The following CCDC171 variants were observed in gnomAD, a reference collection of about 807,000 sequenced individuals.
CCDC171 encodes the protein coiled-coil domain containing 171, also known as coiled-coil domain-containing protein 171.
A neutral mutation model predicts 168.2 loss-of-function variants in CCDC171; 177 were observed. The observed-to-expected ratio is 1.05, with a 90% CI of 0.93 to 1.19. CCDC171 has a LOEUF of 1.19. Among genes scored for constraint, CCDC171 ranks in the 50% most tolerant of loss-of-function variants. The pLI, the probability that CCDC171 is intolerant of heterozygous loss-of-function variation, is 0.00. For missense variants in CCDC171, 1,991 were observed against 1,539.0 expected, an observed-to-expected ratio of 1.29 and a Z score of -4.91; for synonymous variants, 687 against 540.8, an observed-to-expected ratio of 1.27 and a Z score of -3.75.
At chr9:16,065,814 G>GCA (rs200840940), downstream of CCDC171, among the ~76,000 whole-genome samples, 5 of 104,614 alleles carry the variant, frequency 4.8e-5, no homozygotes, top group African/African-American at 1.9e-4. Context: ...TGCATGGTGT[G>GCA]TGTGTGTGTG....
At chr9:15,935,580 A>G (rs986280015) in intron 25 of CCDC171, among the ~76,000 whole-genome samples, 1 of 152,096 alleles carries the variant, frequency 6.6e-6, no homozygotes, top group Non-Finnish European at 1.5e-5. Flanking sequence ...TGGTTATATT[A>G]GCATATAATA....
chr9:15,717,503 G>T (rs1050108291), intron 11 of CCDC171, among the ~76,000 whole-genome samples: 1 of 152,168 alleles, frequency 6.6e-6, no homozygotes, highest in Non-Finnish European at 1.5e-5. Context: ...CACCAGCGGG[G>T]GCAGCAAAGG....
chr9:15,748,715 G>A (rs2055483879), intron 18 of CCDC171, among the ~76,000 whole-genome samples: 1 of 152,158 alleles, frequency 6.6e-6, no homozygotes, highest in South Asian at 2.1e-4. Flanking sequence ...TTCATATCCA[G>A]CCAAACTATG....
At chr9:15,768,677 T>C (rs1275843818) in intron 18 of CCDC171, among the ~76,000 whole-genome samples, 2 of 152,236 alleles carry the variant, frequency 1.3e-5, no homozygotes, top group Non-Finnish European at 2.9e-5. Flanking sequence ...TTAATTAGTA[T>C]TTATATCGAG....
At chr9:15,890,223 T>C (rs1209658997) in intron 24 of CCDC171, among the ~76,000 whole-genome samples, 5 of 152,060 alleles carry the variant, frequency 3.3e-5, no homozygotes, top group Admixed American at 3.3e-4. Flanking sequence ...TTGAGACTGA[T>C]ATGAAATGAA....
intron 10 of CCDC171, among the ~76,000 whole-genome samples, chr9:15,692,530 C>G (rs1188794187): frequency 2.1e-5 from 3 of 142,722 alleles, no homozygotes; most frequent in Non-Finnish European, 4.6e-5. Flanking sequence ...ATCATTACTA[C>G]TTTTTTTTTT....
rs537556300 is a variant in CCDC171, at chr9:15,617,327, C to G, written c.676-5940C>G. Among the ~76,000 whole-genome samples the G allele has an allele frequency of 1.4e-3, 204 of 150,616 alleles. 1 individual carries two copies. The highest frequency in any genetic ancestry group is 4.8e-3 in the African/African-American group (199 of 41,042). Reference sequence around the variant, plus strand: ...CTTTTCCTTATCTTTGTGGATTTATCTACCTTTGATCTTTGAGGCTGATGA... The same window carrying G: ...CTTTTCCTTATCTTTGTGGATTTATGTACCTTTGATCTTTGAGGCTGATGA... On this transcript the variant is annotated intron_variant, in intron 6 of 25. Transcript: ENST00000380701.
intron 3 of CCDC171, among the ~76,000 whole-genome samples, chr9:15,984,013 G>C (rs1831896570): frequency 1.0e-5 from 1 of 95,496 alleles, no homozygotes; most frequent in African/African-American, 4.4e-5. Context: ...GCAGAGTAGA[G>C]ACCAGGAGCA....
At position 15,749,143 on chromosome 9, in the gene CCDC171, C is replaced by CA. The variant is rs144579400; in HGVS notation, c.2671+3525dup. 2.9e-3 allele frequency among the ~76,000 whole-genome samples: 399 copies of CA among 137,062 alleles called. 1 individual carries two copies. The highest frequency in any genetic ancestry group is 0.012 in the Middle Eastern group (3 of 260). 89.9% of individuals were successfully genotyped at this position (137,062 alleles called of 152,430 possible). A position where few individuals can be genotyped will look rare whatever the true frequency, so the allele number is the denominator to read the frequency against. On this transcript the variant is annotated intron_variant, in intron 18 of 25. Coordinates refer to ENST00000380701, the MANE Select transcript of CCDC171 (RefSeq NM_173550.4). ...GAAGATCTACCAAGCAAATGGAAAG[C>CA]AAAAAAAAAAAAAGCAGGTGTTGCT...
chr9:15,673,669 G>C (rs1437567202), intron 9 of CCDC171, among the ~76,000 whole-genome samples: 1 of 152,142 alleles, frequency 6.6e-6, no homozygotes, highest in African/African-American at 2.4e-5. Context: ...TGCATATATT[G>C]AACCAGCTTT....
intron 25 of CCDC171, among the ~76,000 whole-genome samples, chr9:15,969,765 G>T (rs1267537522): frequency 6.6e-6 from 1 of 152,152 alleles, no homozygotes; most frequent in Admixed American, 6.5e-5. Context: ...CTGGCAGAAT[G>T]AGAAGTTAGT....
At chr9:15,997,408 T>A (rs1178185632) in intron 3 of CCDC171, among the ~76,000 whole-genome samples, 1 of 152,202 alleles carries the variant, frequency 6.6e-6, no homozygotes, top group East Asian at 1.9e-4. Flanking sequence ...CTATAGGCTG[T>A]GAGTTAACGG....
At position 15,972,251 on chromosome 9, in the gene CCDC171, T is replaced by C. The variant is rs1251554536; in HGVS notation, c.*415T>C. On this transcript the variant is annotated 3_prime_UTR_variant, in exon 26 of 26. Coordinates refer to ENST00000380701, the MANE Select transcript of CCDC171 (RefSeq NM_173550.4). Reference sequence around the variant, plus strand: ...ATGTATGCCAATGATTCCTGTCATTTCATGGCAGCCCGGCCATGGTTCACT... The same window carrying C: ...ATGTATGCCAATGATTCCTGTCATTCCATGGCAGCCCGGCCATGGTTCACT... 1.2e-5 allele frequency: 2 copies of C among 163,006 alleles called. No individual in the cohort carries two copies. Among genetic ancestry groups the C allele is most frequent in the Non-Finnish European group, 2.6e-5 (2 of 75,582 alleles). The allele number at this position is 163,006 out of a possible 1,614,324, so 10.1% of individuals were successfully genotyped here. A position where few individuals can be genotyped will look rare whatever the true frequency, so the allele number is the denominator to read the frequency against.
At chr9:15,979,139 A>T (rs1435334468) in intron 3 of CCDC171, among the ~76,000 whole-genome samples, 1 of 152,084 alleles carries the variant, frequency 6.6e-6, no homozygotes, top group Non-Finnish European at 1.5e-5. Flanking sequence ...TTCACCATTT[A>T]ATTGACTTTT....
intron 3 of CCDC171, among the ~76,000 whole-genome samples, chr9:15,575,250 G>T (rs1196877770): frequency 6.7e-6 from 1 of 148,300 alleles, no homozygotes; most frequent in African/African-American, 2.5e-5. Context: ...ACTGCAGCCT[G>T]GTCTCGAACT....
At chr9:16,096,031 T>C in the CCDC171 span, among the ~76,000 whole-genome samples, 2 of 152,034 alleles carry the variant, frequency 1.3e-5, no homozygotes, top group Admixed American at 6.6e-5. Context: ...CCTCCTTCAT[T>C]GCTCATCATA....
At chr9:15,896,759 C>T (rs1187233904) in intron 24 of CCDC171, among the ~76,000 whole-genome samples, 1 of 152,026 alleles carries the variant, frequency 6.6e-6, no homozygotes, top group East Asian at 1.9e-4. Context: ...TTACCATAGC[C>T]TGTAATAGTC....
intron 25 of CCDC171, among the ~76,000 whole-genome samples, chr9:15,968,791 G>A (rs553032866): frequency 2.0e-5 from 3 of 152,134 alleles, no homozygotes; most frequent in African/African-American, 7.2e-5. Context: ...CACCCACCTC[G>A]GCCTCCCAAA....
At chr9:15,950,539 G>A (rs539081689) in intron 25 of CCDC171, among the ~76,000 whole-genome samples, 1 of 152,048 alleles carries the variant, frequency 6.6e-6, no homozygotes, top group African/African-American at 2.4e-5. Flanking sequence ...CATAAGTGAA[G>A]GAGAAATAAA....
Sources: allele counts gnomAD v4.1 joint callset (sites outside exome capture counted in the v4.1 genomes callset), GRCh38; gene constraint gnomAD v4.1.1; transcripts MANE v1.5; gene names NCBI Gene and HGNC (gene_info 2026-07-23, HGNC 2026-07-21).